The following ADAMTSL1 variants were observed in gnomAD, a reference collection of about 807,000 sequenced individuals.
ADAMTSL1 encodes the protein ADAMTS like 1.
A neutral mutation model predicts 201.8 loss-of-function variants in ADAMTSL1; 126 were observed. The ratio of observed to expected loss-of-function variants is 0.62; its 90% CI spans 0.54 to 0.72. ADAMTSL1 has a LOEUF of 0.72. Among genes scored for constraint, ADAMTSL1 ranks in the 30% least tolerant of loss-of-function variants. ADAMTSL1 has a pLI of 0.00. For missense variants in ADAMTSL1, 2,679 were observed against 2,277.8 expected, an observed-to-expected ratio of 1.18 and a Z score of -3.59; for synonymous variants, 1,121 against 903.4, an observed-to-expected ratio of 1.24 and a Z score of -4.32.
chr9:17,979,577 G>A (rs1818603792), intron 1 of ADAMTSL1, among the ~76,000 whole-genome samples: 1 of 148,096 alleles, frequency 6.8e-6, no homozygotes. Flanking sequence ...TTTTTTTCAT[G>A]TATTGGTACT....
rs187110121 is a variant in ADAMTSL1 at position 18,686,198 on chromosome 9, G to A, written c.1574+1398G>A. 1.8e-3 allele frequency among the ~76,000 whole-genome samples: 279 copies of A among 152,304 alleles called. 2 individuals are homozygous for A. Among genetic ancestry groups the A allele is most frequent in the Middle Eastern group, 3.4e-3 (1 of 294 alleles). On this transcript the variant is annotated intron_variant, in intron 13 of 28. Coordinates refer to ENST00000380548, the MANE Select transcript of ADAMTSL1 (RefSeq NM_001040272.6). ...AGCCTCCCAAAGTACTGGGATTGCA[G>A]GCGTGAGCCACAGCGCCTGGCCCGG...
In ADAMTSL1 at chr9:18,548,105, A is replaced by G. The variant is rs1004129457; in HGVS notation, c.237+14813A>G. 4.6e-5 allele frequency among the ~76,000 whole-genome samples: 7 copies of G among 152,168 alleles called. No homozygotes were observed. In the East Asian group the frequency reaches 9.7e-4, roughly 21 times the overall value. ...TCCTCTTTATTGATGGATGCTTGCA[A>G]TTGTGAATTGTCTACTTACTAAAAT... On this transcript the variant is annotated intron_variant, in intron 3 of 28. Transcript: ENST00000380548.
intron 2 of ADAMTSL1, among the ~76,000 whole-genome samples, chr9:18,417,464 C>A (rs1424036209): frequency 6.7e-6 from 1 of 150,162 alleles, no homozygotes. Flanking sequence ...AAAAGCAGTT[C>A]TTTGAAGGAA....
intron 2 of ADAMTSL1, among the ~76,000 whole-genome samples, chr9:18,175,171 A>T (rs1339609659): frequency 6.6e-6 from 1 of 152,208 alleles, no homozygotes; most frequent in African/African-American, 2.4e-5. Context: ...GACTTTAGGC[A>T]AGTCATAGAA....
chr9:18,784,881 T>C (rs1312875883), intron 19 of ADAMTSL1, among the ~76,000 whole-genome samples: 1 of 152,196 alleles, frequency 6.6e-6, no homozygotes, highest in African/African-American at 2.4e-5. Flanking sequence ...GTAATCGAGC[T>C]GGGGTGAGGC....
At chr9:18,107,348 TA>T (rs1207497809) in intron 1 of ADAMTSL1, among the ~76,000 whole-genome samples, 4 of 152,212 alleles carry the variant, frequency 2.6e-5, no homozygotes, top group Non-Finnish European at 5.9e-5. Context: ...ATGAAGATTT[TA>T]ATTATGTTAG....
At chr9:18,529,647 A>G (rs1329181057) in intron 2 of ADAMTSL1, among the ~76,000 whole-genome samples, 1 of 152,206 alleles carries the variant, frequency 6.6e-6, no homozygotes, top group African/African-American at 2.4e-5. Flanking sequence ...TAGTGTTTCT[A>G]TTATAATCCA....
At chr9:18,390,701 A>G (rs1441038094) in intron 2 of ADAMTSL1, among the ~76,000 whole-genome samples, 1 of 152,212 alleles carries the variant, frequency 6.6e-6, no homozygotes, top group Non-Finnish European at 1.5e-5. Context: ...CTCCCAGTGG[A>G]GGAAAACAAG....
intron 2 of ADAMTSL1, among the ~76,000 whole-genome samples, chr9:18,452,868 C>T (rs987869155): frequency 2.0e-5 from 3 of 152,226 alleles, no homozygotes; most frequent in Admixed American, 1.3e-4. Flanking sequence ...CAGCAGCTCA[C>T]GTAGGTTGGA....
At chr9:17,951,884 C>A (rs1188564736) in intron 1 of ADAMTSL1, among the ~76,000 whole-genome samples, 1 of 151,954 alleles carries the variant, frequency 6.6e-6, no homozygotes, top group East Asian at 1.9e-4. Context: ...GTGGCATGAT[C>A]GTAGCTCACT....
chr9:18,676,864 A>T (rs571516742), intron 10 of ADAMTSL1, among the ~76,000 whole-genome samples: 1 of 152,126 alleles, frequency 6.6e-6, no homozygotes, highest in Non-Finnish European at 1.5e-5. Flanking sequence ...CTCCAAATAC[A>T]TAATGAATTA....
At chr9:18,659,582 T>C (rs567629084) in intron 8 of ADAMTSL1, among the ~76,000 whole-genome samples, 1 of 152,246 alleles carries the variant, frequency 6.6e-6, no homozygotes, top group African/African-American at 2.4e-5. Context: ...CTGGCCAACA[T>C]GGTGAAATCC....
chr9:18,831,008 G>T (rs562875104), intron 23 of ADAMTSL1, among the ~76,000 whole-genome samples: 2 of 152,180 alleles, frequency 1.3e-5, no homozygotes, highest in Non-Finnish European at 2.9e-5. Context: ...TGGGTTCCCA[G>T]TCGTATTGGT....
intron 20 of ADAMTSL1, among the ~76,000 whole-genome samples, chr9:18,806,684 A>G (rs1263839890): frequency 6.6e-6 from 1 of 152,212 alleles, no homozygotes; most frequent in South Asian, 2.1e-4. Flanking sequence ...CCCAAATCAC[A>G]TAGGAGAGAG....
At chr9:18,166,216 T>C (rs542190070) in intron 2 of ADAMTSL1, among the ~76,000 whole-genome samples, 1 of 151,962 alleles carries the variant, frequency 6.6e-6, no homozygotes, top group Non-Finnish European at 1.5e-5. Context: ...AGGACCTCTG[T>C]TGATTCTCAG....
At chr9:18,334,723 G>A (rs922334752) in intron 2 of ADAMTSL1, among the ~76,000 whole-genome samples, 1 of 152,118 alleles carries the variant, frequency 6.6e-6, no homozygotes, top group African/African-American at 2.4e-5. Context: ...TAGGTCACCA[G>A]TCTGGGACTT....
At chr9:18,160,841 G>A (rs1300485246) in intron 1 of ADAMTSL1, among the ~76,000 whole-genome samples, 4 of 137,486 alleles carry the variant, frequency 2.9e-5, no homozygotes, top group African/African-American at 1.1e-4. Context: ...CACCATACCT[G>A]GCTAAATTTT....
chr9:18,213,876 A>T (rs1247369766), intron 2 of ADAMTSL1, among the ~76,000 whole-genome samples: 6 of 151,978 alleles, frequency 3.9e-5, no homozygotes, highest in Non-Finnish European at 7.4e-5. Context: ...AGTAGCTGGG[A>T]TTACACGCCT....
chr9:18,695,630 T>C (rs1206298056), intron 13 of ADAMTSL1, among the ~76,000 whole-genome samples: 1 of 152,194 alleles, frequency 6.6e-6, no homozygotes, highest in Non-Finnish European at 1.5e-5. Context: ...CACCTCCCCC[T>C]GGACTTCATT....
Sources: allele counts gnomAD v4.1 joint callset (sites outside exome capture counted in the v4.1 genomes callset), GRCh38; gene constraint gnomAD v4.1.1; transcripts MANE v1.5; gene names NCBI Gene and HGNC (gene_info 2026-07-23, HGNC 2026-07-21).